Variants in GRIA1 observed in about 807,000 individuals in gnomAD.
GRIA1 encodes the protein glutamate ionotropic receptor AMPA type subunit 1.
In GRIA1, 31 loss-of-function variants were observed where a neutral mutation model predicts 99.2. That is an observed-to-expected ratio of 0.31 (90% CI 0.23 to 0.42). GRIA1 has a LOEUF of 0.42. GRIA1 is among the 10% of genes least tolerant of loss of function. GRIA1 has a pLI of 1.00. For missense variants in GRIA1, 782 were observed against 1,157.5 expected (o/e 0.68, Z 4.71); for synonymous variants, 438 against 432.4 (o/e 1.01, Z -0.16).
At chr5:153,612,103 G>A (rs1477095969) in intron 2 of GRIA1, among the ~76,000 whole-genome samples, 1 of 152,158 alleles carries the variant, frequency 6.6e-6, no homozygotes, top group Non-Finnish European at 1.5e-5. Context: ...ACCACCAGCT[G>A]TAGAAAAGTA....
At chr5:153,495,506 C>T (rs1754324131) in intron 2 of GRIA1, among the ~76,000 whole-genome samples, 2 of 152,076 alleles carry the variant, frequency 1.3e-5, no homozygotes, top group Admixed American at 1.3e-4. Flanking sequence ...AGTGGGATTA[C>T]CCAAGAAATG....
At chr5:153,719,642 C>A (rs903739417) in intron 11 of GRIA1, among the ~76,000 whole-genome samples, 5 of 152,014 alleles carry the variant, frequency 3.3e-5, no homozygotes, top group African/African-American at 1.2e-4. Flanking sequence ...ATAACCTACC[C>A]TCAAAAATGA....
At position 153,490,705 on chromosome 5, in the gene GRIA1, G is replaced by GT; in HGVS notation, c.-181dup. On this transcript the variant is annotated 5_prime_UTR_variant, in exon 1 of 16. Coordinates refer to ENST00000285900, the MANE Select transcript of GRIA1 (RefSeq NM_000827.4). ...GCTGTCAGTTGGTGTTAACGCTGCA[G>GT]TTTAAGTGTTCGGATTCCAAGGGAA... 1 of 683,022 alleles carries GT rather than the reference G, an allele frequency of 1.5e-6. No homozygotes were observed. The highest frequency in any genetic ancestry group is 2.7e-6 in the Non-Finnish European group (1 of 373,870). 42.3% of individuals were successfully genotyped at this position (683,022 alleles called of 1,614,324 possible). A position where few individuals can be genotyped will look rare whatever the true frequency, so the allele number is the denominator to read the frequency against.
At chr5:153,600,340 C>T (rs549109295) in intron 2 of GRIA1, among the ~76,000 whole-genome samples, 109 of 131,386 alleles carry the variant, frequency 8.3e-4, no homozygotes, top group Admixed American at 3.5e-3. Context: ...TGCAGTGAGC[C>T]GAGATCGCGC....
chr5:153,566,414 C>A (rs962571683), intron 2 of GRIA1, among the ~76,000 whole-genome samples: 1 of 147,650 alleles, frequency 6.8e-6, no homozygotes, highest in Admixed American at 7.0e-5. Flanking sequence ...TCAAGCGATT[C>A]CCTTGCCTTA....
intron 2 of GRIA1, among the ~76,000 whole-genome samples, chr5:153,511,416 G>A (rs1054195010): frequency 2.0e-5 from 3 of 152,136 alleles, no homozygotes; most frequent in African/African-American, 7.2e-5. Flanking sequence ...ATTTTAGTAC[G>A]TTAATAAAGG....
intron 11 of GRIA1, 23 bp downstream of exon 11, chr5:153,706,090 CT>C: frequency 6.2e-7 from 1 of 1,608,756 alleles, no homozygotes; most frequent in South Asian, 1.1e-5. Context: ...TTCTCAATCC[CT>C]TTGCCTAATG....
chr5:153,613,842 C>G (rs1484457676), intron 2 of GRIA1, among the ~76,000 whole-genome samples: 1 of 152,162 alleles, frequency 6.6e-6, no homozygotes, highest in African/African-American at 2.4e-5. Flanking sequence ...CATGTGCCAT[C>G]CCAGGCTTTC....
chr5:153,623,961 TATA>T (rs1767322342), intron 2 of GRIA1, among the ~76,000 whole-genome samples: 1 of 93,054 alleles, frequency 1.1e-5, no homozygotes, highest in Non-Finnish European at 3.0e-5. Flanking sequence ...GTTAAACCCA[TATA>T]TGGATTGAAA....
intron 2 of GRIA1, among the ~76,000 whole-genome samples, chr5:153,587,616 T>C (rs190758026): frequency 6.6e-6 from 1 of 152,280 alleles, no homozygotes; most frequent in East Asian, 1.9e-4. Context: ...CTAGGTTCCT[T>C]TGTCAGGTCT....
intron 11 of GRIA1, among the ~76,000 whole-genome samples, chr5:153,709,321 G>A (rs1759143895): frequency 6.6e-6 from 1 of 152,194 alleles, no homozygotes; most frequent in Non-Finnish European, 1.5e-5. Context: ...CTTATTTAAA[G>A]AAAATGTCAT....
At chr5:153,611,639 CTTAAAA>C (rs1406089911) in intron 2 of GRIA1, among the ~76,000 whole-genome samples, 27 of 152,158 alleles carry the variant, frequency 1.8e-4, no homozygotes, top group Non-Finnish European at 3.4e-4. Flanking sequence ...CTCACGAAGA[CTTAAAA>C]TTAAAGTCGG....
intron 11 of GRIA1, among the ~76,000 whole-genome samples, chr5:153,758,548 G>A (rs1470694969): frequency 6.6e-6 from 1 of 152,040 alleles, no homozygotes; most frequent in Admixed American, 6.5e-5. Context: ...CAGCATCAGA[G>A]CAGTTAAATA....
chr5:153,669,683 T>C (rs1756008291), intron 5 of GRIA1, among the ~76,000 whole-genome samples: 1 of 152,220 alleles, frequency 6.6e-6, no homozygotes, highest in Admixed American at 6.5e-5. Context: ...AAAAGATAAA[T>C]GCCCATTCTT....
At chr5:153,766,164 T>C (rs1169016773) in intron 12 of GRIA1, among the ~76,000 whole-genome samples, 1 of 152,170 alleles carries the variant, frequency 6.6e-6, no homozygotes, top group African/African-American at 2.4e-5. Context: ...ATCATCAATT[T>C]TCAATGTGTC....
intron 6 of GRIA1, 51 bp from the exon 7 acceptor site, chr5:153,676,942 GC>G: frequency 7.5e-7 from 1 of 1,325,298 alleles, no homozygotes; most frequent in African/African-American, 1.5e-5. Flanking sequence ...ACCCAAACCT[GC>G]CTTCCTGTCA....
intron 2 of GRIA1, among the ~76,000 whole-genome samples, chr5:153,500,733 AAGAT>A (rs1466699324): frequency 6.6e-6 from 1 of 151,352 alleles, no homozygotes; most frequent in African/African-American, 2.4e-5. Context: ...TGAATTTGGA[AAGAT>A]AGGTAGGATG....
At chr5:153,600,039 A>C (rs1288716535) in intron 2 of GRIA1, among the ~76,000 whole-genome samples, 2 of 152,092 alleles carry the variant, frequency 1.3e-5, no homozygotes, top group Non-Finnish European at 2.9e-5. Context: ...TTGTTGCCAA[A>C]TAGCGCCGGT....
At chr5:153,650,559 C>A (rs1254910053) in intron 4 of GRIA1, 45 bp downstream of exon 4, 1 of 1,563,932 alleles carries the variant, frequency 6.4e-7, no homozygotes, top group South Asian at 1.2e-5. Context: ...GGAGGTGATT[C>A]AGGAATAGCC....
Sources: gnomAD v4.1 joint callset for allele counts (sites outside exome capture counted in the v4.1 genomes callset) on GRCh38, gnomAD v4.1.1 for gene constraint, MANE v1.5 for transcripts, NCBI Gene and HGNC (gene_info 2026-07-23, HGNC 2026-07-21) for gene names.